Variants in ACAN observed in about 807,000 individuals in gnomAD.
ACAN encodes the protein aggrecan core protein.
In ACAN, 47 loss-of-function variants were observed where a neutral mutation model predicts 169.1. The observed-to-expected ratio is 0.28, with a 90% confidence interval of 0.22 to 0.35. The LOEUF is 0.35. ACAN is among the 10% of genes least tolerant of loss of function. The pLI, the probability that ACAN is intolerant of heterozygous loss-of-function variation, is 1.00. For missense variants in ACAN, 2,716 were observed against 2,759.9 expected, an observed-to-expected ratio of 0.98 and a Z score of 0.36; for synonymous variants, 1,115 against 1,112.2, an observed-to-expected ratio of 1.00 and a Z score of -0.05.
chr15:88,844,294 C>CT (rs71149235), intron 6 of ACAN, among the ~76,000 whole-genome samples: 1,844 of 104,626 alleles, frequency 0.018, 43 homozygotes, highest in African/African-American at 0.052. Flanking sequence ...CCATGCTTTG[C>CT]TTTTTTTTTT....
At chr15:88,853,604 C>T (rs1218619166) in intron 11 of ACAN, among the ~76,000 whole-genome samples, 2 of 152,068 alleles carry the variant, frequency 1.3e-5, no homozygotes, top group African/African-American at 2.4e-5. Flanking sequence ...TGCCACCGCA[C>T]TGCAGCCTGG....
At chr15:88,847,820 T>C (rs568101591) in intron 8 of ACAN, 91 bp from the exon 9 acceptor site, 22 of 1,460,262 alleles carry the variant, frequency 1.5e-5, no homozygotes, top group Non-Finnish European at 2.0e-5. Context: ...CATCTCCAAG[T>C]CCCTGAGTAG....
At chr15:88,862,914 T>C (rs7172377) in intron 13 of ACAN, among the ~76,000 whole-genome samples, 5,887 of 151,104 alleles carry the variant, frequency 0.039, 273 homozygotes, top group East Asian at 0.13. Flanking sequence ...AGGAGAACTG[T>C]TTGAACCCAG....
chr15:88,830,308 T>C (rs1281441344), intron 1 of ACAN, among the ~76,000 whole-genome samples: 1 of 152,206 alleles, frequency 6.6e-6, no homozygotes, highest in African/African-American at 2.4e-5. Context: ...CGTTTCTTTA[T>C]TTACTATTAT....
At chr15:88,824,174 A>T (rs112651841) in intron 1 of ACAN, among the ~76,000 whole-genome samples, 2,543 of 152,162 alleles carry the variant, frequency 0.017, 75 homozygotes, top group African/African-American at 0.058. Flanking sequence ...AATACAAAAA[A>T]TTAGCCAGGC....
rs924249073 is a variant in ACAN, at chr15:88,843,668, G to A, written c.1051+20G>A. The A allele has an allele frequency of 6.5e-6, 10 of 1,546,954 alleles. No individual in the cohort carries two copies. The African/African-American group carries it at 1.1e-4, about 17-fold the overall frequency. The stretch of plus-strand genomic sequence containing the variant: ...ACACAGGTGGGGCACGGCTGGTGGT[G>A]GGAAGGGAGTTCATGCCACTAAAAT... On this transcript the variant is annotated intron_variant, in intron 6 of 18. Transcript: ENST00000560601. This position sits in a 1 kb window ranked among gnomAD's most constrained non-coding sequence, Gnocchi z 4.0.
At position 88,849,064 on chromosome 15, in the gene ACAN, A is replaced by G. The variant is rs1254694620; in HGVS notation, c.1733-374A>G. 6.6e-6 allele frequency among the ~76,000 whole-genome samples: 1 copy of G among 152,148 alleles called. No individual in the cohort carries two copies. The highest frequency in any genetic ancestry group is 2.4e-5 in the African/African-American group (1 of 41,450). Reference sequence around the variant, plus strand: ...TGGTGTAGGGGTGCAAAGGGATTGGAGGGGGCCCAGGCGAGCTGCCTCGCT... The same window carrying G: ...TGGTGTAGGGGTGCAAAGGGATTGGGGGGGGCCCAGGCGAGCTGCCTCGCT... On this transcript the variant is annotated intron_variant, in intron 9 of 18. Transcript: ENST00000560601. The surrounding 1 kb of genome is among the most constrained non-coding windows in gnomAD (Gnocchi z 5.1).
At position 88,803,727 on chromosome 15, in the gene ACAN, G is replaced by T. The variant is rs1895597687; in HGVS notation, c.-90G>T. 1 of 152,094 alleles carries T rather than the reference G, an allele frequency of 6.6e-6. No homozygotes were observed. The highest frequency in any genetic ancestry group is 2.4e-5 in the African/African-American group (1 of 41,396). 9.4% of individuals were successfully genotyped at this position (152,094 alleles called of 1,614,324 possible). ...TCCCTCGCTACGCAGCGAGACCCGG[G>T]CCTCCCGGCCCCAGGAGCCCCCAGC... On this transcript the variant is annotated 5_prime_UTR_variant, in exon 1 of 19. Transcript: ENST00000560601.
Position 88,871,289 on chromosome 15 carries a change from G to A in ACAN, c.7061-93G>A. On this transcript the variant is annotated intron_variant, in intron 14 of 18. Coordinates refer to ENST00000560601, the MANE Select transcript of ACAN (RefSeq NM_001369268.1). The surrounding 1 kb of genome is among the most constrained non-coding windows in gnomAD (Gnocchi z 7.8). ...TTGAGGGCACAGCATGGAAGGTGGG[G>A]TGAACGCAGGAACCTATGCCATAAG... The A allele has an allele frequency of 6.5e-7, 1 of 1,544,746 alleles. No homozygotes were observed. The highest frequency in any genetic ancestry group is 8.8e-7 in the Non-Finnish European group (1 of 1,136,362).
At position 88,851,541 on chromosome 15, in the gene ACAN, T is replaced by C; in HGVS notation, c.2027-253T>C. On this transcript the variant is annotated intron_variant, in intron 10 of 18. Coordinates refer to ENST00000560601, the MANE Select transcript of ACAN (RefSeq NM_001369268.1). This position sits in a 1 kb window ranked among gnomAD's most constrained non-coding sequence, Gnocchi z 4.3. Reference sequence around the variant, plus strand: ...TTAGATACACAAGGCTTTAGAGCAATGCCCGGCATATATGGTCAATTCTGC... The same window carrying C: ...TTAGATACACAAGGCTTTAGAGCAACGCCCGGCATATATGGTCAATTCTGC... The C allele has an allele frequency of 1.1e-5, 5 of 441,962 alleles. No homozygotes were observed. The highest frequency in any genetic ancestry group is 2.0e-5 in the Non-Finnish European group (5 of 246,976). 27.4% of individuals were successfully genotyped at this position (441,962 alleles called of 1,614,324 possible).
chr15:88,829,232 A>C (rs953941894), intron 1 of ACAN, among the ~76,000 whole-genome samples: 2 of 152,270 alleles, frequency 1.3e-5, no homozygotes, highest in African/African-American at 2.4e-5. Flanking sequence ...AGGAGGAAAT[A>C]TCAAAAGAGT....
At position 88,836,286 on chromosome 15, in the gene ACAN, T is replaced by C. The variant is rs371016456; in HGVS notation, c.70+10T>C. On this transcript the variant is annotated intron_variant, in intron 2 of 18. Coordinates refer to ENST00000560601, the MANE Select transcript of ACAN (RefSeq NM_001369268.1). ...ACTGTAGAAACTTCAGGTGAGGACA[T>C]TCCTATACATGTTTCACGTATTCAG... The C allele has an allele frequency of 4.3e-6, 7 of 1,609,836 alleles. No individual in the cohort carries two copies. The African/African-American group carries it at 8.0e-5, about 18-fold the overall frequency.
Position 88,860,072 on chromosome 15 carries a change from C to CT in ACAN, c.6833-233dup, listed in dbSNP as rs57985365. Among the ~76,000 whole-genome samples, 3,156 of 102,794 alleles carry CT rather than the reference C, an allele frequency of 0.031. 88 individuals carry two copies. The highest frequency in any genetic ancestry group is 0.057 in the African/African-American group (1,201 of 21,112). The allele number at this position is 102,794 out of a possible 152,430, so 67.4% of individuals were successfully genotyped here. A position where few individuals can be genotyped will look rare whatever the true frequency, so the allele number is the denominator to read the frequency against. ...GCACTGGTAGCGGTAGCTGATTTTC[C>CT]TTTTTTTTTTTTTTTTTTTTTGCTC... is the stretch of plus-strand genomic sequence containing the variant. On this transcript the variant is annotated intron_variant, in intron 12 of 18. Transcript: ENST00000560601.
rs1239958387 is a variant in ACAN, at chr15:88,857,815, G to A, written c.5230G>A (p.Asp1744Asn). The change falls in exon 12 of 19, where the codon GAC (aspartate) becomes AAC (asparagine). Residue 1744 changes from aspartate (D) to asparagine (N), a missense_variant. Physicochemically the swap from Asp to Asn is conservative, Grantham distance 23. Transcript: ENST00000560601. The part of the protein sequence containing the change: ...GVSGQPSGFP[D>N]TSGETSGVTE... ...CAGTGGACAGCCATCAGGGTTTCCT[G>A]ACACTAGTGGGGAAACATCTGGAGT... The A allele has an allele frequency of 6.2e-7, 1 of 1,613,830 alleles. No individual in the cohort carries two copies. The highest frequency in any genetic ancestry group is 8.5e-7 in the Non-Finnish European group (1 of 1,179,916).
chr15:88,869,008 G>A lies in ACAN; in HGVS notation c.7060+679G>A, dbSNP rs781068203. ...GAGAACAGAACTGTGTTACAAGGGG[G>A]AGGACTGAGTTACCTCTCTTGGGCC... On this transcript the variant is annotated intron_variant, in intron 14 of 18. Coordinates refer to ENST00000560601, the MANE Select transcript of ACAN (RefSeq NM_001369268.1). The surrounding 1 kb of genome is among the most constrained non-coding windows in gnomAD (Gnocchi z 4.2). Among the ~76,000 whole-genome samples the A allele has an allele frequency of 2.6e-5, 4 of 152,192 alleles. No homozygotes were observed. Among genetic ancestry groups the A allele is most frequent in the Non-Finnish European group, 5.9e-5 (4 of 68,042 alleles).
chr15:88,849,956 G>A lies in ACAN; in HGVS notation c.2026+225G>A. The A allele has an allele frequency of 1.5e-6, 1 of 677,144 alleles. No individual in the cohort carries two copies. Among genetic ancestry groups the A allele is most frequent in the Admixed American group, 2.3e-5 (1 of 43,578 alleles). 41.9% of individuals were successfully genotyped at this position (677,144 alleles called of 1,614,324 possible). Reference sequence around the variant, plus strand: ...GACAAGTAGAGATAAATAAGAACTTGAGCTGGTATTTATGTCTACTAGAAA... The same window carrying A: ...GACAAGTAGAGATAAATAAGAACTTAAGCTGGTATTTATGTCTACTAGAAA... On this transcript the variant is annotated intron_variant, in intron 10 of 18. Coordinates refer to ENST00000560601, the MANE Select transcript of ACAN (RefSeq NM_001369268.1). This position sits in a 1 kb window ranked among gnomAD's most constrained non-coding sequence, Gnocchi z 5.1.
At chr15:88,841,613 A>T in intron 4 of ACAN, 127 bp from the exon 5 acceptor site, 1 of 1,226,104 alleles carries the variant, frequency 8.2e-7, no homozygotes, top group Non-Finnish European at 1.2e-6. Flanking sequence ...TGACATATTC[A>T]GAAGAGACAT....
intron 8 of ACAN, 139 bp downstream of exon 8, chr15:88,847,556 A>G (rs1011593748): frequency 9.1e-7 from 1 of 1,099,266 alleles, no homozygotes; most frequent in Non-Finnish European, 1.3e-6. Context: ...CAACTGAGGC[A>G]TATCCCGAAA....
chr15:88,836,157 T>A, intron 1 of ACAN, 43 bp from the exon 2 acceptor site: 1 of 1,437,674 alleles, frequency 7.0e-7, no homozygotes, highest in Non-Finnish European at 9.8e-7. Flanking sequence ...GACCTCACCA[T>A]GCCTTCACTG....
Sources: allele counts gnomAD v4.1 joint callset (sites outside exome capture counted in the v4.1 genomes callset), GRCh38; gene constraint gnomAD v4.1.1; non-coding constraint Gnocchi (gnomAD v3.1); transcripts MANE v1.5; gene names NCBI Gene and HGNC (gene_info 2026-07-23, HGNC 2026-07-21).